The following ABAT variants were observed in gnomAD, a reference collection of about 807,000 sequenced individuals.
ABAT encodes the protein 4-aminobutyrate aminotransferase, mitochondrial.
ABAT carries 45 observed loss-of-function variants against 64.6 expected under a neutral mutation model. That is an observed-to-expected ratio of 0.70 (90% CI 0.55 to 0.89). ABAT has a LOEUF of 0.89. ABAT is among the 40% of genes least tolerant of loss of function. ABAT has a pLI of 0.00. For missense variants in ABAT, 633 were observed against 658.4 expected (o/e 0.96, Z 0.42); for synonymous variants, 297 against 250.5 (o/e 1.19, Z -1.75).
intron 9 of ABAT, among the ~76,000 whole-genome samples, chr16:8,766,863 G>A (rs1271057110): frequency 2.0e-5 from 3 of 152,028 alleles, no homozygotes; most frequent in South Asian, 4.1e-4. Context: ...CAGCTACTCG[G>A]GAGGCTGAGG....
chr16:8,759,107 A>G (rs1029510634), intron 6 of ABAT, among the ~76,000 whole-genome samples: 7 of 151,588 alleles, frequency 4.6e-5, no homozygotes, highest in Non-Finnish European at 1.0e-4. Context: ...ATCCCAAAAA[A>G]TAATAATAAT....
intron 14 of ABAT, among the ~76,000 whole-genome samples, chr16:8,779,119 TAA>T (rs1311267999): frequency 6.6e-6 from 1 of 152,224 alleles, no homozygotes; most frequent in Non-Finnish European, 1.5e-5. Context: ...CTTATCGTGC[TAA>T]AGTCTCACCA....
chr16:8,768,959 C>T lies in ABAT; in HGVS notation c.802C>T (p.Arg268Cys), dbSNP rs1139526. 1.1e-5 allele frequency: 18 copies of T among 1,614,042 alleles called. No homozygotes were observed. The highest frequency in any genetic ancestry group is 4.4e-5 in the South Asian group (4 of 91,092). Residue 268 changes from arginine (R) to cysteine (C), a missense_variant, in exon 11 of 16, where the codon CGC becomes TGC. Physicochemically the swap from Arg to Cys is radical, Grantham distance 180. Coordinates refer to ENST00000268251, the MANE Select transcript of ABAT (RefSeq NM_020686.6). ...FVKENQQEEA[R>C]CLEEVEDLIV... ...GAAAGAGAACCAACAGGAGGAGGCCCGCTGTCTGGAAGAGGTAATGCTCAT... is the reference window on the plus strand; with the variant it reads ...GAAAGAGAACCAACAGGAGGAGGCCTGCTGTCTGGAAGAGGTAATGCTCAT...
intron 15 of ABAT, chr16:8,780,692 T>G (rs1025821618): frequency 6.6e-6 from 1 of 151,036 alleles, no homozygotes; most frequent in Non-Finnish European, 1.4e-5. Flanking sequence ...ACCTGGGAGG[T>G]GGAGGTTGCA....
At chr16:8,723,619 T>C (rs2058438003) in intron 1 of ABAT, among the ~76,000 whole-genome samples, 1 of 151,856 alleles carries the variant, frequency 6.6e-6, no homozygotes, top group Non-Finnish European at 1.5e-5. Context: ...TAAATGCAAA[T>C]GACTTGTGTG....
chr16:8,764,077 T>G lies in ABAT; in HGVS notation c.375T>G (p.Phe125Leu). The change falls in exon 7 of 16, where the codon TTT (phenylalanine) becomes TTG (leucine). Residue 125 changes from phenylalanine to leucine, a missense_variant. Transcript: ENST00000268251. This position sits in a 1 kb window ranked among gnomAD's most constrained non-coding sequence, Gnocchi z 4.2. ...CTCTTGCCCTTTTGCAGAGCATGTT[T>G]GTCAACAGACCCGCCCTCGGAATCC... ...LIQQPQNASM[F>L]VNRPALGILP... 3 of 1,613,832 alleles carry G rather than the reference T, an allele frequency of 1.9e-6. No homozygotes were observed. Among genetic ancestry groups the G allele is most frequent in the Non-Finnish European group, 2.5e-6 (3 of 1,179,990 alleles).
chr16:8,724,293 C>G (rs1339650696), intron 1 of ABAT, among the ~76,000 whole-genome samples: 1 of 151,802 alleles, frequency 6.6e-6, no homozygotes, highest in Non-Finnish European at 1.5e-5. Flanking sequence ...GCTAACAGGT[C>G]AAAAAATAAT....
rs1457936892 is a variant in ABAT at position 8,776,394 on chromosome 16, G to C, written c.1173G>C (p.Leu391Phe). 3 of 1,614,220 alleles carry C rather than the reference G, an allele frequency of 1.9e-6. No homozygotes were observed. In the South Asian group the frequency reaches 3.3e-5, roughly 18 times the overall value. Residue 391 changes from leucine (L) to phenylalanine (F), a missense_variant, in exon 14 of 16, where the codon TTG becomes TTC. Coordinates refer to ENST00000268251, the MANE Select transcript of ABAT (RefSeq NM_020686.6). The surrounding 1 kb of genome is among the most constrained non-coding windows in gnomAD (Gnocchi z 4.4). Reference protein sequence around the residue: ...TWLGDPSKNLLLAEVINIIKR... With the variant: ...TWLGDPSKNLFLAEVINIIKR... Reference sequence around the variant, plus strand: ...TGGGGGACCCGTCCAAGAACCTGTTGCTGGCTGAGGTCATCAACATCATCA... The same window carrying C: ...TGGGGGACCCGTCCAAGAACCTGTTCCTGGCTGAGGTCATCAACATCATCA...
chr16:8,733,284 A>C (rs1167148192), intron 1 of ABAT, among the ~76,000 whole-genome samples: 93 of 148,542 alleles, frequency 6.3e-4, no homozygotes, highest in South Asian at 1.5e-3. Flanking sequence ...GGCGGCCGGG[A>C]AGAGGTGGTC....
At chr16:8,714,178 T>C (rs2058146243) in intron 1 of ABAT, among the ~76,000 whole-genome samples, 1 of 152,178 alleles carries the variant, frequency 6.6e-6, no homozygotes. Flanking sequence ...AAGGAATTGC[T>C]CTTATCAATA....
At chr16:8,765,529 G>T (rs2059919595) in intron 8 of ABAT, among the ~76,000 whole-genome samples, 1 of 151,744 alleles carries the variant, frequency 6.6e-6, no homozygotes, top group African/African-American at 2.4e-5. Flanking sequence ...GCTGGGTGCG[G>T]TGGTGCCTGC....
intron 1 of ABAT, among the ~76,000 whole-genome samples, chr16:8,708,276 T>C (rs1303337823): frequency 6.6e-6 from 1 of 152,182 alleles, no homozygotes; most frequent in East Asian, 1.9e-4. Flanking sequence ...AGACAGGATC[T>C]TGCTGTGTTG....
intron 1 of ABAT, among the ~76,000 whole-genome samples, chr16:8,703,043 A>T (rs1163510349): frequency 1.3e-5 from 2 of 152,068 alleles, no homozygotes; most frequent in African/African-American, 4.8e-5. Context: ...GGTAGAGTTG[A>T]CGAACACCTC....
chr16:8,763,705 GT>G (rs1198599004), intron 6 of ABAT, among the ~76,000 whole-genome samples: 1 of 152,172 alleles, frequency 6.6e-6, no homozygotes, highest in Non-Finnish European at 1.5e-5. Context: ...CACTCTGCCT[GT>G]TTTTTAGCCA....
chr16:8,757,664 G>C (rs952166510), intron 5 of ABAT, 93 bp from the exon 6 acceptor site: 25 of 1,346,874 alleles, frequency 1.9e-5, no homozygotes, highest in East Asian at 2.3e-5. Context: ...GAGTTGGGGG[G>C]TTGGAAAGGA....
chr16:8,768,371 A>C, intron 10 of ABAT, 115 bp downstream of exon 10: 1 of 985,120 alleles, frequency 1.0e-6, no homozygotes, highest in Non-Finnish European at 1.5e-6. Flanking sequence ...ATTGCACACA[A>C]TCCCACTGCA....
chr16:8,751,748 A>G (rs1464535067), intron 5 of ABAT, among the ~76,000 whole-genome samples: 1 of 152,202 alleles, frequency 6.6e-6, no homozygotes, highest in East Asian at 1.9e-4. Flanking sequence ...AGCAGCTGGA[A>G]AACGGTGACC....
intron 9 of ABAT, among the ~76,000 whole-genome samples, chr16:8,767,237 G>C (rs1013694098): frequency 1.3e-5 from 2 of 152,218 alleles, no homozygotes; most frequent in Admixed American, 1.3e-4. Flanking sequence ...TTTGCTTGGG[G>C]CTGGAAAGGG....
At chr16:8,712,404 G>C (rs541756283) in intron 1 of ABAT, among the ~76,000 whole-genome samples, 1 of 152,290 alleles carries the variant, frequency 6.6e-6, no homozygotes, top group African/African-American at 2.4e-5. Context: ...TAATGGTAGA[G>C]GCTAGTAGTG....
Sources: allele counts gnomAD v4.1 joint callset (sites outside exome capture counted in the v4.1 genomes callset), GRCh38; gene constraint gnomAD v4.1.1; non-coding constraint Gnocchi (gnomAD v3.1); transcripts MANE v1.5; gene names NCBI Gene and HGNC (gene_info 2026-07-23, HGNC 2026-07-21).